Variants in AUTS2 observed in about 807,000 individuals in gnomAD.
AUTS2 encodes the protein activator of transcription and developmental regulator AUTS2, also known as autism susceptibility gene 2 protein.
A neutral mutation model predicts 112.4 loss-of-function variants in AUTS2; 17 were observed. The ratio of observed to expected loss-of-function variants is 0.15; its 90% CI spans 0.10 to 0.23. AUTS2 has a LOEUF of 0.23. Among genes scored for constraint, AUTS2 ranks in the 10% least tolerant of loss-of-function variants. The pLI is 1.00. For synonymous variants in AUTS2, 751 were observed against 702.7 expected, an observed-to-expected ratio of 1.07 and a Z score of -1.09; for missense variants, 1,510 against 1,701.6, an observed-to-expected ratio of 0.89 and a Z score of 1.98.
At chr7:70,103,969 A>C (rs1804633176) in intron 2 of AUTS2, among the ~76,000 whole-genome samples, 1 of 152,020 alleles carries the variant, frequency 6.6e-6, no homozygotes, top group African/African-American at 2.4e-5. Flanking sequence ...AAATGTGTAC[A>C]ACATTATTAT....
chr7:70,393,740 G>A (rs1227531718), intron 4 of AUTS2, among the ~76,000 whole-genome samples: 5 of 152,094 alleles, frequency 3.3e-5, no homozygotes, highest in African/African-American at 1.2e-4. Context: ...TCTGTAACAC[G>A]AAGCCCACCA....
At chr7:69,675,218 A>G (rs1426583555) in intron 1 of AUTS2, among the ~76,000 whole-genome samples, 1 of 152,050 alleles carries the variant, frequency 6.6e-6, no homozygotes, top group South Asian at 2.1e-4. Flanking sequence ...TTTTTTCTGT[A>G]TGTGGCCTAC....
At chr7:70,197,468 CAGGCCAGTGTGTGTGCGCACCGTGCGCG>C (rs1562781644) in intron 4 of AUTS2, among the ~76,000 whole-genome samples, 2 of 140,786 alleles carry the variant, frequency 1.4e-5, no homozygotes, top group Non-Finnish European at 3.1e-5. Context: ...ACAGTGGGCG[CAGGCCAGTGTGTGTGCGCACCGTGCGCG>C]AGCCGAAGCA....
intron 4 of AUTS2, among the ~76,000 whole-genome samples, chr7:70,313,043 T>C (rs1285258406): frequency 6.6e-6 from 1 of 152,230 alleles, no homozygotes; most frequent in Non-Finnish European, 1.5e-5. Flanking sequence ...TTCTATTTTG[T>C]TGTTCCATAG....
chr7:70,281,417 C>A (rs1028390683), intron 4 of AUTS2, among the ~76,000 whole-genome samples: 2 of 152,158 alleles, frequency 1.3e-5, no homozygotes, highest in African/African-American at 4.8e-5. Flanking sequence ...GTGGAGGTTC[C>A]CTGCTTTGAT....
intron 1 of AUTS2, among the ~76,000 whole-genome samples, chr7:69,894,215 T>C (rs1794641241): frequency 6.6e-6 from 1 of 150,878 alleles, no homozygotes; most frequent in African/African-American, 2.4e-5. Flanking sequence ...CCTTCTTTCC[T>C]GCTTCTTCTA....
intron 4 of AUTS2, among the ~76,000 whole-genome samples, chr7:70,279,817 A>G (rs1312413189): frequency 6.6e-6 from 1 of 152,224 alleles, no homozygotes; most frequent in Non-Finnish European, 1.5e-5. Flanking sequence ...TAAGTAGGCC[A>G]GAGTGCATCT....
Position 70,766,041 on chromosome 7 carries a change from C to T in AUTS2, c.1469-73C>T. 6.4e-7 allele frequency: 1 copy of T among 1,565,870 alleles called. No homozygotes were observed. Among genetic ancestry groups the T allele is most frequent in the Non-Finnish European group, 8.7e-7 (1 of 1,153,066 alleles). ...CCACTGTGTCACCAGCCCCGTACCC[C>T]TCCACAGGAAGGCAGTCCGATGTCC... On this transcript the variant is annotated intron_variant, in intron 8 of 18. Coordinates refer to ENST00000342771, the MANE Select transcript of AUTS2 (RefSeq NM_015570.4). The surrounding 1 kb of genome is among the most constrained non-coding windows in gnomAD (Gnocchi z 4.8).
intron 1 of AUTS2, among the ~76,000 whole-genome samples, chr7:69,885,153 CA>C (rs559932501): frequency 8.4e-4 from 128 of 152,216 alleles, no homozygotes; most frequent in Admixed American, 4.2e-3. Flanking sequence ...AGGTTATTTG[CA>C]ATATGTGTTG....
chr7:70,575,975 G>A (rs1802147309), intron 5 of AUTS2, among the ~76,000 whole-genome samples: 1 of 152,170 alleles, frequency 6.6e-6, no homozygotes, highest in African/African-American at 2.4e-5. Context: ...CTGTCCCCAG[G>A]TAGTTGGCAG....
At chr7:70,568,123 A>G (rs548702463) in intron 5 of AUTS2, among the ~76,000 whole-genome samples, 5 of 151,938 alleles carry the variant, frequency 3.3e-5, no homozygotes, top group Non-Finnish European at 7.4e-5. Context: ...TCATGTTTTG[A>G]CTCCTACATA....
At chr7:70,574,756 C>T (rs1304353980) in intron 5 of AUTS2, among the ~76,000 whole-genome samples, 1 of 152,124 alleles carries the variant, frequency 6.6e-6, no homozygotes, top group Non-Finnish European at 1.5e-5. Flanking sequence ...CCAATTTGAA[C>T]AGGACTGCTT....
intron 5 of AUTS2, among the ~76,000 whole-genome samples, chr7:70,459,616 C>G (rs181522004): frequency 3.7e-4 from 56 of 152,328 alleles, no homozygotes; most frequent in African/African-American, 1.3e-3. Context: ...TAACCTAAGT[C>G]TAAACTCAGA....
intron 4 of AUTS2, among the ~76,000 whole-genome samples, chr7:70,174,736 A>T (rs1040348649): frequency 1.3e-5 from 2 of 152,244 alleles, no homozygotes; most frequent in Non-Finnish European, 2.9e-5. Context: ...GGATGACAGC[A>T]CATCTGTTTA....
chr7:70,573,768 A>G (rs1802045657), intron 5 of AUTS2, among the ~76,000 whole-genome samples: 1 of 151,946 alleles, frequency 6.6e-6, no homozygotes, highest in Non-Finnish European at 1.5e-5. Context: ...AGCTGAGCAA[A>G]AAGCTTTTTT....
intron 5 of AUTS2, among the ~76,000 whole-genome samples, chr7:70,454,786 A>T (rs975233825): frequency 1.3e-5 from 2 of 152,144 alleles, no homozygotes; most frequent in Non-Finnish European, 2.9e-5. Context: ...GAAGGTGCAG[A>T]CCTCATCACC....
At chr7:70,670,828 G>C (rs1237159251) in intron 5 of AUTS2, among the ~76,000 whole-genome samples, 1 of 152,126 alleles carries the variant, frequency 6.6e-6, no homozygotes, top group African/African-American at 2.4e-5. Context: ...TTATGCCCAG[G>C]CACTGACTGC....
At chr7:70,044,359 G>A (rs1046267591) in intron 2 of AUTS2, among the ~76,000 whole-genome samples, 6 of 152,192 alleles carry the variant, frequency 3.9e-5, no homozygotes, top group African/African-American at 1.4e-4. Flanking sequence ...CAAAGAGGAT[G>A]TTTGTTCTTT....
intron 1 of AUTS2, among the ~76,000 whole-genome samples, chr7:69,694,782 A>G (rs1456825839): frequency 6.6e-6 from 1 of 152,170 alleles, no homozygotes; most frequent in African/African-American, 2.4e-5. Flanking sequence ...GAAATCCATT[A>G]TTTTACAAGG....
Sources: gnomAD v4.1 joint callset for allele counts (sites outside exome capture counted in the v4.1 genomes callset) on GRCh38, gnomAD v4.1.1 for gene constraint, Gnocchi (gnomAD v3.1) non-coding constraint, MANE v1.5 for transcripts, NCBI Gene and HGNC (gene_info 2026-07-23, HGNC 2026-07-21) for gene names.